The following DERA variants were observed in gnomAD, a reference collection of about 807,000 sequenced individuals.
DERA encodes the protein deoxyribose-phosphate aldolase, also known as 2-deoxy-D-ribose 5-phosphate aldolase.
A neutral mutation model predicts 41.1 loss-of-function variants in DERA; 15 were observed. The observed-to-expected ratio is 0.37, with a 90% CI of 0.24 to 0.56. The LOEUF is 0.56. DERA is among the 20% of genes least tolerant of loss of function. The probability of loss-of-function intolerance (pLI) is 0.81; values close to 1 mark genes in which losing one functional copy is unlikely to be tolerated. For synonymous variants in DERA, 139 were observed against 137.4 expected (o/e 1.01, Z -0.08); for missense variants, 396 against 403.4 (o/e 0.98, Z 0.16).
chr12:15,936,886 T>TGTCCTGTCCTGTCCTGTCC lies in DERA; in HGVS notation c.32-20050_32-20049insGTCCTGTCCTGTCCTGTCC, dbSNP rs1948369017. ...TTGTCTTGTCTTGTCTTGTCTTGTCTTGTCCTGTCCTGTCCTGTCCTGTCC... is the reference window on the plus strand; with the variant it reads ...TTGTCTTGTCTTGTCTTGTCTTGTCTGTCCTGTCCTGTCCTGTCCTGTCCTGTCCTGTCCTGTCCTGTCC... On this transcript the variant is annotated intron_variant, in intron 1 of 8. Transcript: ENST00000428559. This position sits in a 1 kb window ranked among gnomAD's most constrained non-coding sequence, Gnocchi z 4.6. 9.1e-4 allele frequency among the ~76,000 whole-genome samples: 124 copies of TGTCCTGTCCTGTCCTGTCC among 136,912 alleles called. No homozygotes were observed. Among genetic ancestry groups the TGTCCTGTCCTGTCCTGTCC allele is most frequent in the African/African-American group, 3.9e-3 (121 of 31,252 alleles). 89.8% of individuals were successfully genotyped at this position (136,912 alleles called of 152,430 possible). A position where few individuals can be genotyped will look rare whatever the true frequency, so the allele number is the denominator to read the frequency against.
At chr12:16,030,407 T>G (rs1949084693) in intron 6 of DERA, among the ~76,000 whole-genome samples, 1 of 152,196 alleles carries the variant, frequency 6.6e-6, no homozygotes, top group Non-Finnish European at 1.5e-5. Context: ...CCTTCTTACA[T>G]CTATGTGGAG....
At chr12:15,917,699 G>A (rs528609190) in intron 1 of DERA, among the ~76,000 whole-genome samples, 1 of 152,248 alleles carries the variant, frequency 6.6e-6, no homozygotes, top group South Asian at 2.1e-4. Context: ...GGACCTTTTT[G>A]GCACCAGGGA....
At chr12:16,006,190 A>G (rs1388983272) in intron 6 of DERA, among the ~76,000 whole-genome samples, 1 of 152,216 alleles carries the variant, frequency 6.6e-6, no homozygotes, top group Non-Finnish European at 1.5e-5. Flanking sequence ...ACTGTAGGTG[A>G]CAATCCCTTC....
chr12:15,991,078 T>C (rs1405678993), intron 6 of DERA, among the ~76,000 whole-genome samples: 1 of 152,156 alleles, frequency 6.6e-6, no homozygotes, highest in Non-Finnish European at 1.5e-5. Flanking sequence ...CCACCAACAG[T>C]GTAAAATAGG....
At position 15,985,552 on chromosome 12, in the gene DERA, G is replaced by C. The variant is rs367876037; in HGVS notation, c.637+3116G>C. 7.9e-5 allele frequency among the ~76,000 whole-genome samples: 11 copies of C among 138,908 alleles called. No individual in the cohort carries two copies. The highest frequency in any genetic ancestry group is 6.6e-4 in the East Asian group (3 of 4,516). The allele number at this position is 138,908 out of a possible 152,430, so 91.1% of individuals were successfully genotyped here. A position where few individuals can be genotyped will look rare whatever the true frequency, so the allele number is the denominator to read the frequency against. On this transcript the variant is annotated intron_variant, in intron 6 of 8. Coordinates refer to ENST00000428559, the MANE Select transcript of DERA (RefSeq NM_015954.4). This position sits in a 1 kb window ranked among gnomAD's most constrained non-coding sequence, Gnocchi z 4.2. Reference sequence around the variant, plus strand: ...TTTATTAATCTTTTCAGAGAGCCAAGTTTTTATTTTGTTGTTTTTTTTTCA... The same window carrying C: ...TTTATTAATCTTTTCAGAGAGCCAACTTTTTATTTTGTTGTTTTTTTTTCA...
At chr12:15,950,082 A>G (rs1318244811) in intron 1 of DERA, among the ~76,000 whole-genome samples, 1 of 152,174 alleles carries the variant, frequency 6.6e-6, no homozygotes, top group African/African-American at 2.4e-5. Flanking sequence ...GTTACCAGAA[A>G]GGGGTCCTGA....
rs1948756976 is a variant in DERA, at chr12:15,985,320, TA to T, written c.637+2885del. On this transcript the variant is annotated intron_variant, in intron 6 of 8. Transcript: ENST00000428559. The surrounding 1 kb of genome is among the most constrained non-coding windows in gnomAD (Gnocchi z 4.2). ...GATAAGAGATCTTAAGGAGTTTGCC[TA>T]GAAGTATTTCACTGTGTAAGTATAC... 2 of 152,224 alleles carry T rather than the reference TA, an allele frequency of 1.3e-5. No individual in the cohort carries two copies. The highest frequency in any genetic ancestry group is 4.8e-5 in the African/African-American group (2 of 41,460). 9.4% of individuals were successfully genotyped at this position (152,224 alleles called of 1,614,324 possible).
At chr12:15,964,334 T>C (rs139227172) in intron 5 of DERA, among the ~76,000 whole-genome samples, 336 of 152,326 alleles carry the variant, frequency 2.2e-3, no homozygotes, top group Non-Finnish European at 3.5e-3. Flanking sequence ...ACTACTTTCC[T>C]GTACATTCCC....
rs1315001096 is a variant in DERA at position 15,928,965 on chromosome 12, G to A, written c.31+17551G>A. Among the ~76,000 whole-genome samples the A allele has an allele frequency of 6.6e-6, 1 of 152,094 alleles. No homozygotes were observed. Among genetic ancestry groups the A allele is most frequent in the South Asian group, 2.1e-4 (1 of 4,822 alleles). On this transcript the variant is annotated intron_variant, in intron 1 of 8. Transcript: ENST00000428559. This position sits in a 1 kb window ranked among gnomAD's most constrained non-coding sequence, Gnocchi z 4.6. Reference sequence around the variant, plus strand: ...AGCTGTTAAATCCTGTCCTGCAGACGGGAGCAGCGTTCTCTGTGAAAACTG... The same window carrying A: ...AGCTGTTAAATCCTGTCCTGCAGACAGGAGCAGCGTTCTCTGTGAAAACTG...
chr12:15,997,042 C>T (rs924929384), intron 6 of DERA, among the ~76,000 whole-genome samples: 10 of 152,182 alleles, frequency 6.6e-5, no homozygotes, highest in Non-Finnish European at 1.3e-4. Flanking sequence ...TGACATATAG[C>T]ACAAGCCAGG....
At position 15,938,538 on chromosome 12, in the gene DERA, T is replaced by TCC. The variant is rs1948388114; in HGVS notation, c.32-18398_32-18397insCC. Among the ~76,000 whole-genome samples the TCC allele has an allele frequency of 6.6e-6, 1 of 152,214 alleles. No individual in the cohort carries two copies. Among genetic ancestry groups the TCC allele is most frequent in the South Asian group, 2.1e-4 (1 of 4,826 alleles). The stretch of plus-strand genomic sequence containing the variant: ...GTGTCTAAGTTGCATTTTGTGTTTA[T>TCC]TAAGTTTAAAATTCTTGATAGTTTT... On this transcript the variant is annotated intron_variant, in intron 1 of 8. Coordinates refer to ENST00000428559, the MANE Select transcript of DERA (RefSeq NM_015954.4). The surrounding 1 kb of genome is among the most constrained non-coding windows in gnomAD (Gnocchi z 4.1).
chr12:15,919,462 C>T (rs1318125575), intron 1 of DERA, among the ~76,000 whole-genome samples: 5 of 152,160 alleles, frequency 3.3e-5, no homozygotes, highest in Non-Finnish European at 5.9e-5. Context: ...CCTTTTAAAA[C>T]ACTGTCTGTC....
At position 16,036,335 on chromosome 12, in the gene DERA, T is replaced by C. The variant is rs1446116234; in HGVS notation, c.854T>C (p.Leu285Pro). The change falls in exon 8 of 9, where the codon CTC becomes CCC. Residue 285 changes from leucine (L) to proline (P), a missense_variant. Physicochemically the swap from Leu to Pro is moderately conservative, Grantham distance 98 (BLOSUM62 -3). Transcript: ENST00000428559. This position sits in a 1 kb window ranked among gnomAD's most constrained non-coding sequence, Gnocchi z 4.9. ...ELGDEWLKPE[L>P]FRIGASTLLS... ...GGAGATGAGTGGCTGAAGCCAGAAC[T>C]CTTTCGAATAGGTGCCAGTACTCTG... 1.2e-6 allele frequency: 2 copies of C among 1,613,588 alleles called. No homozygotes were observed. Among genetic ancestry groups the C allele is most frequent in the Admixed American group, 3.3e-5 (2 of 59,982 alleles).
Position 15,982,797 on chromosome 12 carries a change from T to C in DERA, c.637+361T>C, listed in dbSNP as rs1948741683. On this transcript the variant is annotated intron_variant, in intron 6 of 8. Transcript: ENST00000428559. The surrounding 1 kb of genome is among the most constrained non-coding windows in gnomAD (Gnocchi z 4.0). ...TCTCTGAATTTAAGCTTTTCATTTA[T>C]CTCAGAGATATATATCCATACTATC... Among the ~76,000 whole-genome samples the C allele has an allele frequency of 6.6e-6, 1 of 152,262 alleles. No homozygotes were observed. The highest frequency in any genetic ancestry group is 6.5e-5 in the Admixed American group (1 of 15,292).
intron 6 of DERA, among the ~76,000 whole-genome samples, chr12:16,025,141 A>G (rs1397645053): frequency 2.0e-5 from 3 of 152,168 alleles, no homozygotes; most frequent in Non-Finnish European, 4.4e-5. Context: ...GCAGAAAAAT[A>G]GGTGTCAAAA....
intron 6 of DERA, among the ~76,000 whole-genome samples, chr12:15,987,034 T>C (rs1289584693): frequency 6.6e-6 from 1 of 152,158 alleles, no homozygotes; most frequent in Non-Finnish European, 1.5e-5. Flanking sequence ...TGTTTCCTTG[T>C]ATGTAATATC....
rs774728923 is a variant in DERA at position 15,982,431 on chromosome 12, T to C, written c.632T>C (p.Met211Thr). 6.2e-7 allele frequency: 1 copy of C among 1,604,236 alleles called. No homozygotes were observed. The highest frequency in any genetic ancestry group is 8.5e-7 in the Non-Finnish European group (1 of 1,177,494). Residue 211 changes from methionine to threonine, a missense_variant, in exon 6 of 9, where the codon ATG becomes ACG. Physicochemically the swap from Met to Thr is moderately conservative, Grantham distance 81 (BLOSUM62 -1). Coordinates refer to ENST00000428559, the MANE Select transcript of DERA (RefSeq NM_015954.4). The surrounding 1 kb of genome is among the most constrained non-coding windows in gnomAD (Gnocchi z 4.0). The part of the protein sequence containing the change: ...NVYKASMIAM[M>T]AGSDFIKTST... ...TATAAAGCCAGTATGATAGCAATGA[T>C]GGCAGGTAAGTGTTTTATGTTCAAA...
At position 16,036,138 on chromosome 12, in the gene DERA, A is replaced by G; in HGVS notation, c.751-94A>G. On this transcript the variant is annotated intron_variant, in intron 7 of 8. Coordinates refer to ENST00000428559, the MANE Select transcript of DERA (RefSeq NM_015954.4). The surrounding 1 kb of genome is among the most constrained non-coding windows in gnomAD (Gnocchi z 4.9). ...AAGATTTTTTTTCAACAAAAGAGGG[A>G]GAGAGAGAATCAAGACTCTGATAAA... The G allele has an allele frequency of 1.6e-5, 19 of 1,156,196 alleles. No individual in the cohort carries two copies. Among genetic ancestry groups the G allele is most frequent in the Non-Finnish European group, 2.1e-5 (19 of 885,732 alleles). 71.6% of individuals were successfully genotyped at this position (1,156,196 alleles called of 1,614,324 possible).
chr12:15,929,524 A>C (rs1948312308), intron 1 of DERA, among the ~76,000 whole-genome samples: 1 of 152,152 alleles, frequency 6.6e-6, no homozygotes, highest in Non-Finnish European at 1.5e-5. Flanking sequence ...TAGTCACAGT[A>C]TTTTAGCACA....
Sources: gnomAD v4.1 joint callset for allele counts (sites outside exome capture counted in the v4.1 genomes callset) on GRCh38, gnomAD v4.1.1 for gene constraint, Gnocchi (gnomAD v3.1) non-coding constraint, MANE v1.5 for transcripts, NCBI Gene and HGNC (gene_info 2026-07-23, HGNC 2026-07-21) for gene names.